JMJD1C: variants seen among roughly 807,000 people sequenced by gnomAD.
The protein encoded by JMJD1C is jumonji domain containing 1C.
JMJD1C carries 31 observed loss-of-function variants against 245.3 expected under a neutral mutation model. The observed-to-expected ratio is 0.13, with a 90% confidence interval of 0.09 to 0.17. The LOEUF (loss-of-function observed/expected upper bound fraction) is 0.17. Among genes scored for constraint, JMJD1C ranks in the 10% least tolerant of loss-of-function variants. The pLI, the probability that JMJD1C is intolerant of heterozygous loss-of-function variation, is 1.00. For missense variants in JMJD1C, 2,691 were observed against 3,000.2 expected (o/e 0.90, Z 2.41); for synonymous variants, 1,057 against 1,017.4 (o/e 1.04, Z -0.74).
At chr10:63,184,239 AT>A (rs34600901) in intron 21 of JMJD1C, among the ~76,000 whole-genome samples, 54,358 of 131,320 alleles carry the variant, frequency 0.41, 11,069 homozygotes, top group South Asian at 0.5. Flanking sequence ...TTGAACAGAA[AT>A]TTTTTTTTTT....
intron 1 of JMJD1C, among the ~76,000 whole-genome samples, chr10:63,502,977 T>C (rs1334629730): frequency 6.6e-6 from 1 of 152,184 alleles, no homozygotes; most frequent in Non-Finnish European, 1.5e-5. Flanking sequence ...GTGCTTCAAA[T>C]GATCTTCAAA....
chr10:63,386,422 G>T (rs1947594945), intron 1 of JMJD1C, among the ~76,000 whole-genome samples: 1 of 152,206 alleles, frequency 6.6e-6, no homozygotes, highest in Non-Finnish European at 1.5e-5. Context: ...GTAGTCTGGG[G>T]ATCATGCCAC....
chr10:63,357,814 CACAG>C (rs1329268077), intron 2 of JMJD1C, among the ~76,000 whole-genome samples: 39 of 105,936 alleles, frequency 3.7e-4, no homozygotes, highest in Middle Eastern at 4.3e-3. Flanking sequence ...TGTCAAAAGA[CACAG>C]ACAGACAGAC....
chr10:63,266,491 A>C (rs1855588194), intron 2 of JMJD1C, among the ~76,000 whole-genome samples: 1 of 152,150 alleles, frequency 6.6e-6, no homozygotes, highest in Admixed American at 6.5e-5. Flanking sequence ...CCACTACGTG[A>C]CCAATTGACA....
At chr10:63,306,963 G>T (rs952805546) in intron 2 of JMJD1C, among the ~76,000 whole-genome samples, 4 of 152,086 alleles carry the variant, frequency 2.6e-5, no homozygotes, top group African/African-American at 9.7e-5. Context: ...CTTTTTTAAA[G>T]ATCTTTCTGA....
intron 2 of JMJD1C, among the ~76,000 whole-genome samples, chr10:63,349,649 G>A (rs952978542): frequency 4.6e-5 from 7 of 152,116 alleles, no homozygotes; most frequent in African/African-American, 1.4e-4. Flanking sequence ...TGAAATGCGG[G>A]AACTATATGA....
chr10:63,461,804 A>G (rs140762933), intron 1 of JMJD1C, among the ~76,000 whole-genome samples: 88 of 152,332 alleles, frequency 5.8e-4, no homozygotes, highest in African/African-American at 1.7e-3. Context: ...AGAAAGGTAG[A>G]TAGATGGGTG....
intron 3 of JMJD1C, among the ~76,000 whole-genome samples, chr10:63,236,016 G>A (rs556467036): frequency 6.6e-6 from 1 of 152,104 alleles, no homozygotes; most frequent in Non-Finnish European, 1.5e-5. Context: ...ATCATAAATA[G>A]ATTATATAAT....
intron 8 of JMJD1C, among the ~76,000 whole-genome samples, chr10:63,211,436 A>T (rs577750929): frequency 3.3e-4 from 49 of 148,552 alleles, no homozygotes; most frequent in Non-Finnish European, 3.7e-4. Context: ...ACTGTACTGT[A>T]GCCTGGCAAC....
At chr10:63,235,733 C>T (rs10761727) in intron 3 of JMJD1C, among the ~76,000 whole-genome samples, 64,909 of 151,964 alleles carry the variant, frequency 0.43, 14,494 homozygotes, top group South Asian at 0.53. Flanking sequence ...TCCAAAATCA[C>T]ACAGCTAGAA....
intron 1 of JMJD1C, among the ~76,000 whole-genome samples, chr10:63,417,715 T>C (rs1028009622): frequency 1.3e-5 from 2 of 152,192 alleles, no homozygotes; most frequent in African/African-American, 4.8e-5. Context: ...ATATTGTATA[T>C]GTTAAATATT....
intron 3 of JMJD1C, among the ~76,000 whole-genome samples, chr10:63,255,599 A>G (rs1853784099): frequency 6.6e-6 from 1 of 152,172 alleles, no homozygotes; most frequent in Non-Finnish European, 1.5e-5. Context: ...CTATATCATC[A>G]CAATACTCAC....
At chr10:63,284,033 T>G (rs1857697364) in intron 2 of JMJD1C, among the ~76,000 whole-genome samples, 1 of 151,966 alleles carries the variant, frequency 6.6e-6, no homozygotes, top group Admixed American at 6.6e-5. Context: ...TTTTTTTGTT[T>G]TTTGGGAGGG....
chr10:63,425,529 C>T (rs1950389072), intron 1 of JMJD1C, among the ~76,000 whole-genome samples: 1 of 152,150 alleles, frequency 6.6e-6, no homozygotes, highest in African/African-American at 2.4e-5. Flanking sequence ...TGTCTCTAAT[C>T]CCAGGACTTT....
intron 3 of JMJD1C, among the ~76,000 whole-genome samples, chr10:63,263,176 T>C (rs560008956): frequency 7.9e-4 from 120 of 152,258 alleles, no homozygotes; most frequent in Admixed American, 1.7e-3. Flanking sequence ...ACTATTAAAT[T>C]GGGATTTGCT....
At chr10:63,205,156 T>A in intron 10 of JMJD1C, 3 of 374,696 alleles carry the variant, frequency 8.0e-6, no homozygotes, top group Non-Finnish European at 7.4e-6. Context: ...AAAGGATATA[T>A]AATCAGTTGT....
At chr10:63,305,496 G>C (rs866860270) in intron 2 of JMJD1C, among the ~76,000 whole-genome samples, 5 of 91,876 alleles carry the variant, frequency 5.4e-5, no homozygotes, top group African/African-American at 1.9e-4. Flanking sequence ...CTCTCTCTCT[G>C]GAGGCAAGGT....
At chr10:63,204,763 T>C (rs1422547474) in intron 10 of JMJD1C, 49 of 985,344 alleles carry the variant, frequency 5.0e-5, no homozygotes, top group Non-Finnish European at 5.8e-5. Context: ...CTGGCTCTAG[T>C]TGAGTTTGTC....
chr10:63,486,100 C>T (rs1953984218), intron 1 of JMJD1C, among the ~76,000 whole-genome samples: 1 of 119,954 alleles, frequency 8.3e-6, no homozygotes, highest in Non-Finnish European at 1.6e-5. Flanking sequence ...CAGCCAAAGA[C>T]GTGGAGAAGG....
Sources: gnomAD v4.1 joint callset for allele counts (sites outside exome capture counted in the v4.1 genomes callset) on GRCh38, gnomAD v4.1.1 for gene constraint, MANE v1.5 for transcripts, NCBI Gene and HGNC (gene_info 2026-07-23, HGNC 2026-07-21) for gene names.